The following NXPE2 variants were observed in gnomAD, a reference collection of about 807,000 sequenced individuals.
NXPE2 encodes the protein NXPE family member 2.
A neutral mutation model predicts 34.4 loss-of-function variants in NXPE2; 34 were observed. The ratio of observed to expected loss-of-function variants is 0.99; its 90% CI spans 0.75 to 1.31. The LOEUF (loss-of-function observed/expected upper bound fraction) is 1.31. Among genes scored for constraint, NXPE2 ranks in the 40% most tolerant of loss-of-function variants. The pLI, the probability that NXPE2 is intolerant of heterozygous loss-of-function variation, is 0.00. For missense variants in NXPE2, 649 were observed against 672.5 expected, an observed-to-expected ratio of 0.97 and a Z score of 0.39; for synonymous variants, 235 against 231.3, an observed-to-expected ratio of 1.02 and a Z score of -0.15.
the NXPE2 span, among the ~76,000 whole-genome samples, chr11:114,472,849 C>T: frequency 6.6e-6 from 1 of 152,158 alleles, no homozygotes; most frequent in African/African-American, 2.4e-5. Flanking sequence ...ATGATGTCAT[C>T]CTATCATAAC....
chr11:114,486,242 A>G, the NXPE2 span, among the ~76,000 whole-genome samples: 26 of 152,172 alleles, frequency 1.7e-4, no homozygotes, highest in African/African-American at 6.0e-4. Context: ...CATTTCTCTG[A>G]TGATCAATAA....
chr11:114,547,275 C>G, the NXPE2 span, among the ~76,000 whole-genome samples: 2 of 152,168 alleles, frequency 1.3e-5, no homozygotes, highest in Non-Finnish European at 2.9e-5. Flanking sequence ...TGGAAGACCA[C>G]TTAGCTCTGT....
At chr11:114,717,384 G>A in the NXPE2 span, among the ~76,000 whole-genome samples, 288 of 152,256 alleles carry the variant, frequency 1.9e-3, 6 homozygotes, top group East Asian at 0.044. Flanking sequence ...TGATGTCCCT[G>A]AACGTGGAAA....
At chr11:114,491,702 A>G in the NXPE2 span, among the ~76,000 whole-genome samples, 2 of 152,226 alleles carry the variant, frequency 1.3e-5, no homozygotes. Context: ...ATAAAGACAC[A>G]TGCACACGTG....
At position 114,698,650 on chromosome 11, in the gene NXPE2, T is replaced by A. The variant is rs1197291245; in HGVS notation, c.738T>A (p.Asp246Glu). 6.2e-7 allele frequency: 1 copy of A among 1,614,184 alleles called. No homozygotes were observed. Among genetic ancestry groups the A allele is most frequent in the Non-Finnish European group, 8.5e-7 (1 of 1,180,016 alleles). ...NTNAELCQYM[D>E]DRDQEAFYCV... The stretch of plus-strand genomic sequence containing the variant: ...ATGCTGAACTGTGCCAGTACATGGA[T>A]GACAGAGACCAAGAAGCCTTCTACT... The change falls in exon 3 of 6, where the codon GAT becomes GAA. Residue 246 changes from aspartate (D) to glutamate (E), a missense_variant. Physicochemically the swap from Asp to Glu is conservative, Grantham distance 45 (BLOSUM62 2). Coordinates refer to ENST00000389586, the MANE Select transcript of NXPE2 (RefSeq NM_182495.6).
the NXPE2 span, among the ~76,000 whole-genome samples, chr11:114,810,281 G>A: frequency 2.4e-3 from 370 of 151,164 alleles, 2 homozygotes; most frequent in African/African-American, 8.5e-3. Flanking sequence ...ATAGGCATGG[G>A]CAAGGACTTC....
the NXPE2 span, among the ~76,000 whole-genome samples, chr11:114,520,249 A>T: frequency 6.6e-6 from 1 of 152,052 alleles, no homozygotes. Context: ...CCTTTGACCT[A>T]CACCTCCCTG....
At chr11:114,812,050 G>T in the NXPE2 span, among the ~76,000 whole-genome samples, 2 of 152,176 alleles carry the variant, frequency 1.3e-5, no homozygotes, top group Admixed American at 1.3e-4. Context: ...TCAGAAAAAG[G>T]ACACAACGAA....
chr11:114,639,786 ATATATAT>A, the NXPE2 span, among the ~76,000 whole-genome samples: 1 of 125,566 alleles, frequency 8.0e-6, no homozygotes, highest in Non-Finnish European at 1.6e-5. Flanking sequence ...ATAAAATATA[ATATATAT>A]TATATTAAAT....
the NXPE2 span, among the ~76,000 whole-genome samples, chr11:114,655,339 T>C: frequency 2.0e-5 from 3 of 152,220 alleles, no homozygotes; most frequent in Non-Finnish European, 4.4e-5. Flanking sequence ...TTAGATCCCA[T>C]TTGTCAATTT....
the NXPE2 span, among the ~76,000 whole-genome samples, chr11:114,487,722 A>G: frequency 6.6e-6 from 1 of 152,110 alleles, no homozygotes; most frequent in Non-Finnish European, 1.5e-5. Context: ...GGTTTTTATC[A>G]TGAAGGGATG....
the NXPE2 span, among the ~76,000 whole-genome samples, chr11:114,762,303 G>A: frequency 6.6e-6 from 1 of 152,118 alleles, no homozygotes; most frequent in Non-Finnish European, 1.5e-5. Flanking sequence ...GTGTGTGTGG[G>A]AGTGTGCATG....
At chr11:114,756,028 A>C in the NXPE2 span, among the ~76,000 whole-genome samples, 1 of 152,196 alleles carries the variant, frequency 6.6e-6, no homozygotes, top group Non-Finnish European at 1.5e-5. Flanking sequence ...CACATTCTGG[A>C]TTCCAGTACA....
the NXPE2 span, among the ~76,000 whole-genome samples, chr11:114,743,165 G>A: frequency 6.6e-6 from 1 of 152,096 alleles, no homozygotes; most frequent in East Asian, 1.9e-4. Flanking sequence ...TTAAATCTTG[G>A]CAACTTATAT....
the NXPE2 span, among the ~76,000 whole-genome samples, chr11:114,624,108 C>T: frequency 2.0e-5 from 3 of 151,792 alleles, no homozygotes; most frequent in South Asian, 2.1e-4. Flanking sequence ...GGTTTTATGT[C>T]GTGGGTAACC....
chr11:114,657,464 A>G, the NXPE2 span, among the ~76,000 whole-genome samples: 1 of 152,222 alleles, frequency 6.6e-6, no homozygotes, highest in African/African-American at 2.4e-5. Flanking sequence ...TGGAAATCAC[A>G]GTATTTCATA....
the NXPE2 span, among the ~76,000 whole-genome samples, chr11:114,628,742 T>C: frequency 6.6e-6 from 1 of 151,350 alleles, no homozygotes; most frequent in African/African-American, 2.4e-5. Flanking sequence ...AGCTGGTTTT[T>C]TGAAAGGATC....
At chr11:114,528,364 C>T in the NXPE2 span, among the ~76,000 whole-genome samples, 2 of 152,156 alleles carry the variant, frequency 1.3e-5, no homozygotes, top group Non-Finnish European at 2.9e-5. Context: ...GCTTACATCC[C>T]TTTATTGTCT....
the NXPE2 span, among the ~76,000 whole-genome samples, chr11:114,792,089 C>T: frequency 6.6e-6 from 1 of 152,114 alleles, no homozygotes; most frequent in Admixed American, 6.5e-5. Flanking sequence ...AACTAAGATA[C>T]GTGCTGAGCA....
Sources: allele counts gnomAD v4.1 joint callset (sites outside exome capture counted in the v4.1 genomes callset), GRCh38; gene constraint gnomAD v4.1.1; transcripts MANE v1.5; gene names NCBI Gene and HGNC (gene_info 2026-07-23, HGNC 2026-07-21).